ROR1: variants seen among roughly 807,000 people sequenced by gnomAD.
ROR1 encodes the protein ROR family WNT receptor 1, also known as inactive tyrosine-protein kinase transmembrane receptor ROR1.
In ROR1, 19 loss-of-function variants were observed where a neutral mutation model predicts 78.8. The ratio of observed to expected loss-of-function variants is 0.24; its 90% confidence interval spans 0.17 to 0.35. The LOEUF (loss-of-function observed/expected upper bound fraction) is 0.35, where lower values mean the gene tolerates loss of function less well. Among genes scored for constraint, ROR1 ranks in the 10% least tolerant of loss-of-function variants. ROR1 has a pLI of 1.00. For synonymous variants in ROR1, 386 were observed against 433.6 expected, an observed-to-expected ratio of 0.89 and a Z score of 1.36; for missense variants, 917 against 1,177.8, an observed-to-expected ratio of 0.78 and a Z score of 3.24.
chr1:64,167,569 C>T (rs1421889032), intron 8 of ROR1, among the ~76,000 whole-genome samples: 1 of 152,178 alleles, frequency 6.6e-6, no homozygotes, highest in Non-Finnish European at 1.5e-5. Flanking sequence ...GTAATCATTT[C>T]CATTTATGAG....
intron 1 of ROR1, among the ~76,000 whole-genome samples, chr1:63,905,656 A>G (rs1471124062): frequency 6.6e-6 from 1 of 152,236 alleles, no homozygotes; most frequent in Non-Finnish European, 1.5e-5. Context: ...TGTTTGGGTC[A>G]TGGCAAAGCA....
intron 1 of ROR1, among the ~76,000 whole-genome samples, chr1:63,790,990 C>T (rs1460374321): frequency 1.3e-5 from 2 of 152,326 alleles, no homozygotes; most frequent in Non-Finnish European, 1.5e-5. Context: ...ATCTTTCCTT[C>T]ATGCAGGAGA....
At position 64,179,861 on chromosome 1, in the gene ROR1, G is replaced by T. The variant is rs890260034; in HGVS notation, c.*1006G>T. ...GCATTGGAGTGCTTATGGTCAATGG[G>T]CTCTAGGGAAGTAGGAAACTCCATC... On this transcript the variant is annotated 3_prime_UTR_variant, in exon 9 of 9. Coordinates refer to ENST00000371079, the MANE Select transcript of ROR1 (RefSeq NM_005012.4). 1 of 152,156 alleles carries T rather than the reference G, an allele frequency of 6.6e-6. No homozygotes were observed. Among genetic ancestry groups the T allele is most frequent in the Non-Finnish European group, 1.5e-5 (1 of 68,036 alleles). 9.4% of individuals were successfully genotyped at this position (152,156 alleles called of 1,614,324 possible).
chr1:63,864,607 T>C (rs1291400668), intron 1 of ROR1, among the ~76,000 whole-genome samples: 1 of 152,100 alleles, frequency 6.6e-6, no homozygotes, highest in African/African-American at 2.4e-5. Context: ...CAGGCGTTTG[T>C]CAGCCTAAAT....
chr1:64,066,211 C>T (rs1221157516), intron 4 of ROR1, among the ~76,000 whole-genome samples: 1 of 152,014 alleles, frequency 6.6e-6, no homozygotes, highest in Admixed American at 6.6e-5. Flanking sequence ...CTCTCAAGGC[C>T]GTTAAAATAT....
intron 2 of ROR1, among the ~76,000 whole-genome samples, chr1:64,043,138 G>A (rs1646757867): frequency 6.6e-6 from 1 of 152,206 alleles, no homozygotes; most frequent in South Asian, 2.1e-4. Context: ...CTGTCAAAAT[G>A]GGAATATAAC....
intron 8 of ROR1, among the ~76,000 whole-genome samples, chr1:64,174,742 T>C (rs1650330507): frequency 6.6e-6 from 1 of 152,198 alleles, no homozygotes; most frequent in African/African-American, 2.4e-5. Context: ...CATGGAAATC[T>C]CCAATCTTAA....
At position 63,874,882 on chromosome 1, in the gene ROR1, G is replaced by T. The variant is rs115633079; in HGVS notation, c.91+100374G>T. Among the ~76,000 whole-genome samples, 278 of 150,728 alleles carry T rather than the reference G, an allele frequency of 1.8e-3. 1 individual carries two copies. Among genetic ancestry groups the T allele is most frequent in the African/African-American group, 6.4e-3 (262 of 40,624 alleles). On this transcript the variant is annotated intron_variant, in intron 1 of 8. Coordinates refer to ENST00000371079, the MANE Select transcript of ROR1 (RefSeq NM_005012.4). Reference sequence around the variant, plus strand: ...AGTTTCATTTCATCAATTTTTTTTTGTAAAATACTGTAAAGATATCTGAAT... The same window carrying T: ...AGTTTCATTTCATCAATTTTTTTTTTTAAAATACTGTAAAGATATCTGAAT...
chr1:63,779,185 G>C (rs1479109931), intron 1 of ROR1, among the ~76,000 whole-genome samples: 1 of 152,180 alleles, frequency 6.6e-6, no homozygotes, highest in Admixed American at 6.5e-5. Context: ...TTTGAGAAGT[G>C]TGCTCGCCAG....
In ROR1 at chr1:63,843,179, G is replaced by T. The variant is rs535600244; in HGVS notation, c.91+68671G>T. 1.0e-4 allele frequency: 127 copies of T among 1,223,046 alleles called. 1 individual carries two copies. The South Asian group carries it at 1.5e-3, about 14-fold the overall frequency. The allele number at this position is 1,223,046 out of a possible 1,614,324, so 75.8% of individuals were successfully genotyped here. A position where few individuals can be genotyped will look rare whatever the true frequency, so the allele number is the denominator to read the frequency against. On this transcript the variant is annotated intron_variant, in intron 1 of 8. Transcript: ENST00000371079. The stretch of plus-strand genomic sequence containing the variant: ...GGCTGCCAGATGCTCCAGGCAGGTG[G>T]CCAGAACCGGCTCACAAAGGCTTGT...
intron 2 of ROR1, among the ~76,000 whole-genome samples, chr1:64,032,871 A>T (rs1646672737): frequency 1.3e-5 from 2 of 152,320 alleles, no homozygotes; most frequent in South Asian, 4.1e-4. Context: ...TTTTTTAAAA[A>T]ACAATATTCT....
At chr1:64,000,611 CAAAT>C (rs1452805885) in intron 1 of ROR1, among the ~76,000 whole-genome samples, 1 of 152,126 alleles carries the variant, frequency 6.6e-6, no homozygotes, top group Non-Finnish European at 1.5e-5. Flanking sequence ...ACAAACAAAA[CAAAT>C]AACGACAAAA....
At chr1:64,036,788 TG>T (rs1372447453) in intron 2 of ROR1, among the ~76,000 whole-genome samples, 1 of 152,220 alleles carries the variant, frequency 6.6e-6, no homozygotes, top group Admixed American at 6.5e-5. Context: ...TTCTCTCTCC[TG>T]GTTCTGAGAG....
At chr1:63,940,489 A>G (rs1645828763) in intron 1 of ROR1, among the ~76,000 whole-genome samples, 1 of 77,092 alleles carries the variant, frequency 1.3e-5, no homozygotes, top group African/African-American at 3.7e-5. Flanking sequence ...AGACAGATAG[A>G]TAGACAGACA....
chr1:63,828,255 A>G (rs923991019), intron 1 of ROR1, among the ~76,000 whole-genome samples: 2 of 152,218 alleles, frequency 1.3e-5, no homozygotes, highest in African/African-American at 4.8e-5. Flanking sequence ...AAAATAATGC[A>G]TAGCAAATTT....
At chr1:64,103,436 A>T (rs1383844509) in intron 4 of ROR1, among the ~76,000 whole-genome samples, 1 of 152,114 alleles carries the variant, frequency 6.6e-6, no homozygotes, top group African/African-American at 2.4e-5. Flanking sequence ...TAAGCTGCTT[A>T]TTTAAAGGGA....
In ROR1 at chr1:63,814,960, C is replaced by T. The variant is rs146949411; in HGVS notation, c.91+40452C>T. Among the ~76,000 whole-genome samples, 503 of 152,306 alleles carry T rather than the reference C, an allele frequency of 3.3e-3. 5 individuals are homozygous for T. Among genetic ancestry groups the T allele is most frequent in the Middle Eastern group, 0.02 (6 of 294 alleles). On this transcript the variant is annotated intron_variant, in intron 1 of 8. Transcript: ENST00000371079. Reference sequence around the variant, plus strand: ...TATTCCCCTCAATTCCCTCCTATTCCGCTAGGAGTTTGAATCTGCTTTGCC... The same window carrying T: ...TATTCCCCTCAATTCCCTCCTATTCTGCTAGGAGTTTGAATCTGCTTTGCC...
chr1:64,139,039 T>A (rs1649217498), intron 5 of ROR1, among the ~76,000 whole-genome samples: 5 of 151,878 alleles, frequency 3.3e-5, no homozygotes, highest in Admixed American at 3.3e-4. Flanking sequence ...TGGTGGCACA[T>A]GCCTGTAGTC....
chr1:64,142,318 C>A (rs1649342333), intron 6 of ROR1, 87 bp from the exon 7 acceptor site: 1 of 1,548,934 alleles, frequency 6.5e-7, no homozygotes, highest in Non-Finnish European at 8.7e-7. Context: ...ATTACCTGCC[C>A]TCCCCTCCAG....
Sources: allele counts gnomAD v4.1 joint callset (sites outside exome capture counted in the v4.1 genomes callset), GRCh38; gene constraint gnomAD v4.1.1; transcripts MANE v1.5; gene names NCBI Gene and HGNC (gene_info 2026-07-23, HGNC 2026-07-21).